The following CAPN15 variants were observed in gnomAD, a reference collection of about 807,000 sequenced individuals.
The protein encoded by CAPN15 is calpain 15.
A neutral mutation model predicts 97.9 loss-of-function variants in CAPN15; 53 were observed. The ratio of observed to expected loss-of-function variants is 0.54; its 90% CI spans 0.43 to 0.68. The LOEUF is 0.68. Among genes scored for constraint, CAPN15 ranks in the 30% least tolerant of loss-of-function variants. The probability of loss-of-function intolerance (pLI) is 0.00; values close to 1 mark genes in which losing one functional copy is unlikely to be tolerated. For synonymous variants in CAPN15, 922 were observed against 722.5 expected (o/e 1.28, Z -4.43); for missense variants, 1,592 against 1,589.8 (o/e 1.00, Z -0.02).
rs2035261736 is a variant in CAPN15, at chr16:553,505, C to A, written c.3250C>A (p.Arg1084=). The A allele has an allele frequency of 1.1e-5, 17 of 1,605,524 alleles. No homozygotes were observed. Among genetic ancestry groups the A allele is most frequent in the Non-Finnish European group, 1.4e-5 (17 of 1,175,478 alleles). The change falls in exon 14 of 14, where the codon CGA becomes AGA. Residue 1084 remains arginine (R), a synonymous_variant. Transcript: ENST00000219611. ...TPEVAGLHGP[R]PL is the part of the protein sequence containing the mutation. ...AGAGGTCGCCGGTCTGCATGGGCCC[C>A]GACCGCTGTGACCACCATGCCTGGG...
Position 536,014 on chromosome 16 carries a change from CCCCCG to C in CAPN15, c.-136-14_-136-10del. 1 of 317,134 alleles carries C rather than the reference CCCCCG, an allele frequency of 3.2e-6. No individual in the cohort carries two copies. Among genetic ancestry groups the C allele is most frequent in the Non-Finnish European group, 4.2e-6 (1 of 237,512 alleles). 19.6% of individuals were successfully genotyped at this position (317,134 alleles called of 1,614,324 possible). A position where few individuals can be genotyped will look rare whatever the true frequency, so the allele number is the denominator to read the frequency against. On this transcript the variant is annotated splice_polypyrimidine_tract_variant and intron_variant, in intron 2 of 13. Coordinates refer to ENST00000219611, the MANE Select transcript of CAPN15 (RefSeq NM_005632.3). ...CAGTGCCCCTGCACGCCCCCCCCCC[CCCCCG>C]GTTATTCAGACAGGGAGCCAGGATG...
intron 3 of CAPN15, among the ~76,000 whole-genome samples, chr16:540,801 C>G (rs1449288587): frequency 6.6e-6 from 1 of 152,240 alleles, no homozygotes; most frequent in Non-Finnish European, 1.5e-5. Context: ...ACTCCACGTG[C>G]TGGCTCCTCA....
In CAPN15 at chr16:551,159, C is replaced by CCT. The variant is rs2035037215; in HGVS notation, c.2067-143_2067-142insCT. On this transcript the variant is annotated intron_variant, in intron 7 of 13. Coordinates refer to ENST00000219611, the MANE Select transcript of CAPN15 (RefSeq NM_005632.3). Reference sequence around the variant, plus strand: ...AGGGCCCCGGTCGGTGAGGGCGCCCCGTCGGTGAGGGTCCCGGTCGGTGAG... The same window carrying CCT: ...AGGGCCCCGGTCGGTGAGGGCGCCCCCTGTCGGTGAGGGTCCCGGTCGGTGAG... The CCT allele has an allele frequency of 3.3e-5, 38 of 1,148,092 alleles. No homozygotes were observed. In the African/African-American group the frequency reaches 1.0e-3, roughly 32 times the overall value. The allele number at this position is 1,148,092 out of a possible 1,614,324, so 71.1% of individuals were successfully genotyped here.
chr16:548,540 A>G (rs1018200609), intron 4 of CAPN15, among the ~76,000 whole-genome samples: 1 of 152,190 alleles, frequency 6.6e-6, no homozygotes, highest in African/African-American at 2.4e-5. Context: ...CACCGTGGCC[A>G]GGAGGGCCCC....
At chr16:549,971 G>A (rs1455749929) in intron 7 of CAPN15, 133 bp downstream of exon 7, 19 of 709,196 alleles carry the variant, frequency 2.7e-5, no homozygotes, top group South Asian at 1.3e-4. Flanking sequence ...CTGACCCCGC[G>A]TGGCCAGGCC....
intron 2 of CAPN15, among the ~76,000 whole-genome samples, chr16:534,305 G>A (rs936691529): frequency 8.5e-5 from 13 of 152,372 alleles, no homozygotes; most frequent in East Asian, 5.8e-4. Flanking sequence ...CCATCCCCAC[G>A]GCAGCGCTGG....
rs1443458133 is a variant in CAPN15 at position 529,915 on chromosome 16, A to AC, written c.-190+1889dup. The stretch of plus-strand genomic sequence containing the variant: ...AAGACACAGAAGAAGGAGGCCCCCA[A>AC]CCCGGGGGCTGCCTCGTGCGCTTTG... On this transcript the variant is annotated intron_variant, in intron 1 of 13. Coordinates refer to ENST00000219611, the MANE Select transcript of CAPN15 (RefSeq NM_005632.3). Among the ~76,000 whole-genome samples, 12 of 151,954 alleles carry AC rather than the reference A, an allele frequency of 7.9e-5. No individual in the cohort carries two copies. The East Asian group carries it at 1.7e-3, about 22-fold the overall frequency.
chr16:534,038 T>G (rs11646982), intron 2 of CAPN15, 40 bp downstream of exon 2: 149,403 of 956,360 alleles, frequency 0.16, 11,815 homozygotes, highest in Middle Eastern at 0.21. Flanking sequence ...TTTATGGGTT[T>G]GCTTGCGCTG....
Position 527,741 on chromosome 16 carries a change from C to G in CAPN15, c.-478C>G, listed in dbSNP as rs1459204982. The G allele has an allele frequency of 6.7e-6, 1 of 150,340 alleles. No individual in the cohort carries two copies. Among genetic ancestry groups the G allele is most frequent in the Non-Finnish European group, 1.5e-5 (1 of 67,352 alleles). 9.3% of individuals were successfully genotyped at this position (150,340 alleles called of 1,614,324 possible). ...TCCGGGCGCGCGATTCACAGCGCCG[C>G]GTGCGCCCCGGGCGCGCCGTAGCCG... is the stretch of plus-strand genomic sequence containing the variant. On this transcript the variant is annotated 5_prime_UTR_variant, in exon 1 of 14. Transcript: ENST00000219611.
Position 554,606 on chromosome 16 carries a change from A to G in CAPN15, c.*1090A>G, listed in dbSNP as rs1259876198. On this transcript the variant is annotated 3_prime_UTR_variant, in exon 14 of 14. Coordinates refer to ENST00000219611, the MANE Select transcript of CAPN15 (RefSeq NM_005632.3). ...ACAGTGGCTTCCGACTCAGGCTCCA[A>G]TGGACCAAATAAAAGCGTTTTGTTT... The G allele has an allele frequency of 2.4e-5, 11 of 456,110 alleles. No homozygotes were observed. The highest frequency in any genetic ancestry group is 3.2e-4 in the Middle Eastern group (1 of 3,090). The allele number at this position is 456,110 out of a possible 1,614,324, so 28.3% of individuals were successfully genotyped here.
intron 1 of CAPN15, among the ~76,000 whole-genome samples, chr16:528,291 G>T (rs139388851): frequency 1.3e-5 from 2 of 152,240 alleles, no homozygotes; most frequent in East Asian, 3.9e-4. Flanking sequence ...CGGGAAGTCG[G>T]CAGGGACCTG....
At chr16:528,917 C>G (rs900940476) in intron 1 of CAPN15, among the ~76,000 whole-genome samples, 1 of 152,128 alleles carries the variant, frequency 6.6e-6, no homozygotes, top group East Asian at 1.9e-4. Flanking sequence ...GGGAGTGCCC[C>G]GTAATTGCCT....
chr16:540,273 G>A (rs552127553), intron 3 of CAPN15: 34 of 985,482 alleles, frequency 3.5e-5, no homozygotes, highest in African/African-American at 2.4e-4. Context: ...CGGGTCCCCC[G>A]GCAGCGGCTG....
chr16:540,948 C>T (rs912363388), intron 3 of CAPN15, among the ~76,000 whole-genome samples: 2 of 152,210 alleles, frequency 1.3e-5, no homozygotes, highest in Admixed American at 6.5e-5. Flanking sequence ...GCCGTCACCC[C>T]GTCCTGGCCC....
At chr16:542,776 A>G (rs1235534411) in intron 3 of CAPN15, among the ~76,000 whole-genome samples, 10 of 152,066 alleles carry the variant, frequency 6.6e-5, no homozygotes, top group Non-Finnish European at 1.3e-4. Flanking sequence ...AAATTTGGCC[A>G]GGCGCAGTAG....
At chr16:539,333 G>A (rs1013144009) in intron 3 of CAPN15, 3 of 152,316 alleles carry the variant, frequency 2.0e-5, no homozygotes, top group African/African-American at 7.2e-5. Context: ...TTGGCAGGGA[G>A]AGGGGAGTGT....
chr16:529,031 T>A (rs2033054386), intron 1 of CAPN15, among the ~76,000 whole-genome samples: 1 of 152,166 alleles, frequency 6.6e-6, no homozygotes, highest in Admixed American at 6.5e-5. Flanking sequence ...AAATTGTTTT[T>A]CTGGCCTGTC....
At chr16:550,713 CCCCTGTCGGTGAGGGT>C (rs1567156803) in intron 7 of CAPN15, among the ~76,000 whole-genome samples, 2 of 133,544 alleles carry the variant, frequency 1.5e-5, no homozygotes, top group Non-Finnish European at 1.6e-5. Context: ...CGGTGAGGGT[CCCCTGTCGGTGAGGGT>C]CCCCGTCGGT....
At chr16:543,518 T>C (rs1189442387) in intron 3 of CAPN15, among the ~76,000 whole-genome samples, 1 of 152,146 alleles carries the variant, frequency 6.6e-6, no homozygotes, top group East Asian at 1.9e-4. Context: ...TCTTTCACCC[T>C]GGCCTCCTGC....
Sources: allele counts gnomAD v4.1 joint callset (sites outside exome capture counted in the v4.1 genomes callset), GRCh38; gene constraint gnomAD v4.1.1; transcripts MANE v1.5; gene names NCBI Gene and HGNC (gene_info 2026-07-23, HGNC 2026-07-21).